ATP6V1B1: variants seen among roughly 807,000 people sequenced by gnomAD.
The protein encoded by ATP6V1B1 is V-type proton ATPase subunit B, kidney isoform.
In ATP6V1B1, 41 loss-of-function variants were observed where a neutral mutation model predicts 62.1. The ratio of observed to expected loss-of-function variants is 0.66; its 90% CI spans 0.51 to 0.86. The LOEUF is 0.86. Among genes scored for constraint, ATP6V1B1 ranks in the 40% least tolerant of loss-of-function variants. ATP6V1B1 has a pLI of 0.00. For synonymous variants in ATP6V1B1, 253 were observed against 273.4 expected (o/e 0.93, Z 0.74); for missense variants, 651 against 697.5 (o/e 0.93, Z 0.75).
intron 8 of ATP6V1B1, chr2:70,961,902 T>A (rs1219355464): frequency 3.3e-6 from 2 of 614,140 alleles, no homozygotes; most frequent in African/African-American, 3.6e-5. Flanking sequence ...TGACTCTGTC[T>A]GCTGCCTGTG....
chr2:70,951,728 T>C (rs1204262245), intron 2 of ATP6V1B1, among the ~76,000 whole-genome samples: 2 of 151,962 alleles, frequency 1.3e-5, no homozygotes, highest in African/African-American at 4.8e-5. Context: ...AGAAACCCCA[T>C]CTCTACTAAA....
intron 1 of ATP6V1B1, among the ~76,000 whole-genome samples, chr2:70,937,394 G>T (rs898442889): frequency 9.9e-5 from 15 of 152,100 alleles, no homozygotes; most frequent in Admixed American, 7.9e-4. Flanking sequence ...AGGTGCTGAG[G>T]GTGGAGCACA....
At chr2:70,938,233 CCTCAGGCTCTGGGAGTGGGA>C (rs1481900837) in intron 1 of ATP6V1B1, among the ~76,000 whole-genome samples, 2 of 152,154 alleles carry the variant, frequency 1.3e-5, no homozygotes, top group Non-Finnish European at 2.9e-5. Context: ...CTCACTTCCT[CCTCAGGCTCTGGGAGTGGGA>C]GGGATGAGGG....
chr2:70,960,440 G>A (rs1189711767), intron 6 of ATP6V1B1, among the ~76,000 whole-genome samples: 1 of 152,158 alleles, frequency 6.6e-6, no homozygotes, highest in Non-Finnish European at 1.5e-5. Context: ...AGAGCAGCTG[G>A]TGTGACAAGG....
In ATP6V1B1 at chr2:70,959,895, G is replaced by A; in HGVS notation, c.446-44G>A. The A allele has an allele frequency of 1.9e-6, 3 of 1,613,974 alleles. No individual in the cohort carries two copies. The highest frequency in any genetic ancestry group is 1.1e-5 in the South Asian group (1 of 91,076). On this transcript the variant is annotated intron_variant, in intron 5 of 13. Transcript: ENST00000234396. This position sits in a 1 kb window ranked among gnomAD's most constrained non-coding sequence, Gnocchi z 4.2. ...GGTCAGTGTCGAGGAGAGCAGGGAA[G>A]GGTTTGAACCCCTGAGCATGGCTCT...
In ATP6V1B1 at chr2:70,965,076, C is replaced by T. The variant is rs1285193183; in HGVS notation, c.1497C>T (p.Ser499=). The T allele has an allele frequency of 7.4e-6, 12 of 1,613,002 alleles. No individual in the cohort carries two copies. The African/African-American group carries it at 1.5e-4, about 20-fold the overall frequency. ...IPQAVIDEFY[S]REGALQDLAP... The stretch of plus-strand genomic sequence containing the variant: ...AGGCCGTGATCGACGAGTTCTATTC[C>T]CGCGAGGGGGCGCTGCAGGACCTCG... The change falls in exon 14 of 14, where the codon TCC becomes TCT. Residue 499 remains serine, a synonymous_variant. Transcript: ENST00000234396.
At chr2:70,937,189 C>T (rs1679874711) in intron 1 of ATP6V1B1, among the ~76,000 whole-genome samples, 1 of 151,810 alleles carries the variant, frequency 6.6e-6, no homozygotes, top group South Asian at 2.1e-4. Context: ...AGGCTCCTAA[C>T]AGGGAGTGTG....
At position 70,945,699 on chromosome 2, in the gene ATP6V1B1, GAGATATATATATAT is replaced by G. The variant is rs1223872556; in HGVS notation, c.174+1988_174+2001del. ...AGTATCCTCTTTCTGGCTATTTGAA[GAGATATATATATAT>G]ATATATATATATATATATATATATA... On this transcript the variant is annotated intron_variant, in intron 2 of 13. Transcript: ENST00000234396. 4.8e-3 allele frequency among the ~76,000 whole-genome samples: 334 copies of G among 70,110 alleles called. 11 individuals carry two copies. The highest frequency in any genetic ancestry group is 0.015 in the African/African-American group (291 of 19,968). 46.0% of individuals were successfully genotyped at this position (70,110 alleles called of 152,430 possible).
At position 70,958,377 on chromosome 2, in the gene ATP6V1B1, C is replaced by T. The variant is rs782720902; in HGVS notation, c.318C>T (p.Cys106=). Residue 106 remains cysteine, a synonymous_variant, in exon 4 of 14, where the codon TGC becomes TGT. Coordinates refer to ENST00000234396, the MANE Select transcript of ATP6V1B1 (RefSeq NM_001692.4). ...GGATCGATGCCAGGAAGACCACTTGCGAATTTACAGGGGACATCCTACGAA... is the reference window on the plus strand; with the variant it reads ...GGATCGATGCCAGGAAGACCACTTGTGAATTTACAGGGGACATCCTACGAA... ...TSGIDARKTT[C]EFTGDILRTP... 26 of 1,613,866 alleles carry T rather than the reference C, an allele frequency of 1.6e-5. No homozygotes were observed. The highest frequency in any genetic ancestry group is 2.2e-5 in the South Asian group (2 of 91,080).
In ATP6V1B1 at chr2:70,935,994, G is replaced by C. The variant is rs111306070; in HGVS notation, c.40G>C (p.Gly14Arg). The C allele has an allele frequency of 6.2e-7, 1 of 1,613,966 alleles. No homozygotes were observed. Among genetic ancestry groups the C allele is most frequent in the Non-Finnish European group, 8.5e-7 (1 of 1,179,928 alleles). ...EIDSRPGGLP[G>R]SSCNLGAARE... The stretch of plus-strand genomic sequence containing the variant: ...AGACAGCAGGCCTGGGGGGCTCCCC[G>C]GCAGTAGCTGCAACCTAGGTGCAGC... The change falls in exon 1 of 14, where the codon GGC (glycine) becomes CGC (arginine). Residue 14 changes from glycine (G) to arginine (R), a missense_variant. Physicochemically the swap from Gly to Arg is moderately radical, Grantham distance 125. Transcript: ENST00000234396.
intron 1 of ATP6V1B1, among the ~76,000 whole-genome samples, chr2:70,943,110 A>G (rs946560507): frequency 6.6e-6 from 1 of 151,930 alleles, no homozygotes; most frequent in Non-Finnish European, 1.5e-5. Flanking sequence ...GAGCCTGGGG[A>G]GTCCAGGAAC....
chr2:70,941,312 G>T, intron 1 of ATP6V1B1: 1 of 985,580 alleles, frequency 1.0e-6, no homozygotes, highest in Non-Finnish European at 1.2e-6. Context: ...CCTCCTGGAG[G>T]TGACAGGTCT....
chr2:70,960,110 G>A lies in ATP6V1B1; in HGVS notation c.585+32G>A, dbSNP rs1227656514. On this transcript the variant is annotated intron_variant, in intron 6 of 13. Coordinates refer to ENST00000234396, the MANE Select transcript of ATP6V1B1 (RefSeq NM_001692.4). Reference sequence around the variant, plus strand: ...CCTGCAGGGCCAGCAGGCATGGCTGGGGGAGGGACAGAGCAGAGGCTGGGG... The same window carrying A: ...CCTGCAGGGCCAGCAGGCATGGCTGAGGGAGGGACAGAGCAGAGGCTGGGG... The A allele has an allele frequency of 9.9e-6, 16 of 1,613,364 alleles. 1 individual carries two copies. Among genetic ancestry groups the A allele is most frequent in the Non-Finnish European group, 1.4e-5 (16 of 1,179,696 alleles).
rs376581983 is a variant in ATP6V1B1, at chr2:70,958,060, G to A, written c.189G>A (p.Ala63=). The change falls in exon 3 of 14, where the codon GCG becomes GCA. Residue 63 remains alanine (A), a synonymous_variant. Coordinates refer to ENST00000234396, the MANE Select transcript of ATP6V1B1 (RefSeq NM_001692.4). ...CCTCCTGCCAGTTTGCCCAGTATGC[G>A]GAGATCGTCCACTTCACCCTCCCAG... ...VLDRVKFAQY[A]EIVHFTLPDG... The A allele has an allele frequency of 6.8e-5, 110 of 1,613,902 alleles. No individual in the cohort carries two copies. The highest frequency in any genetic ancestry group is 8.3e-5 in the Admixed American group (5 of 59,978).
chr2:70,959,965 A>G lies in ATP6V1B1; in HGVS notation c.472A>G (p.Ile158Val), dbSNP rs1553419749. The G allele has an allele frequency of 6.2e-7, 1 of 1,614,190 alleles. No homozygotes were observed. Residue 158 changes from isoleucine (I) to valine (V), a missense_variant, in exon 6 of 14, where the codon ATC (isoleucine) becomes GTC (valine). Coordinates refer to ENST00000234396, the MANE Select transcript of ATP6V1B1 (RefSeq NM_001692.4). The surrounding 1 kb of genome is among the most constrained non-coding windows in gnomAD (Gnocchi z 4.2). ...CCAGCCCATCAACCCGCACTCCCGC[A>G]TCTACCCCGAGGAGATGATTCAGAC... ...NGQPINPHSR[I>V]YPEEMIQTGI...
At chr2:70,948,233 A>G (rs1680232926) in intron 2 of ATP6V1B1, 1 of 110,586 alleles carries the variant, frequency 9.0e-6, no homozygotes, top group Non-Finnish European at 1.9e-5. Context: ...TCACATGAAA[A>G]TGATCACTTT....
At chr2:70,941,019 G>C (rs1679992646) in intron 1 of ATP6V1B1, 1 of 651,682 alleles carries the variant, frequency 1.5e-6, no homozygotes, top group Non-Finnish European at 1.9e-6. Context: ...CTGGGCTCAG[G>C]TGATCCTCCC....
chr2:70,963,644 A>G lies in ATP6V1B1; in HGVS notation c.1133A>G (p.His378Arg). 1 of 1,614,084 alleles carries G rather than the reference A, an allele frequency of 6.2e-7. No homozygotes were observed. The highest frequency in any genetic ancestry group is 8.5e-7 in the Non-Finnish European group (1 of 1,179,926). ...EGQIYVDRQL[H>R]NRQIYPPINV... ...CAGATCTACGTGGACAGACAGCTTC[A>G]CAACAGACAGGTACTGCCCTGTCCC... The change falls in exon 11 of 14, where the codon CAC (histidine) becomes CGC (arginine). Residue 378 changes from histidine (H) to arginine (R), a missense_variant. His to Arg is a conservative substitution (Grantham distance 29). Transcript: ENST00000234396. The surrounding 1 kb of genome is among the most constrained non-coding windows in gnomAD (Gnocchi z 4.3).
Position 70,961,684 on chromosome 2 carries a change from A to G in ATP6V1B1, c.776A>G (p.Asn259Ser), listed in dbSNP as rs1680591290. The change falls in exon 8 of 14, where the codon AAT becomes AGT. Residue 259 changes from asparagine to serine, a missense_variant. Asn to Ser is a conservative substitution (Grantham distance 46). Transcript: ENST00000234396. ...GTCTGCCTCTTCCTGAACTTGGCCA[A>G]TGACCCCACGTGAGCTTTCCCTGAT... ...GNVCLFLNLA[N>S]DPTIERIITP... 5 of 1,614,080 alleles carry G rather than the reference A, an allele frequency of 3.1e-6. No homozygotes were observed. Among genetic ancestry groups the G allele is most frequent in the South Asian group, 2.2e-5 (2 of 91,080 alleles).
Sources: gnomAD v4.1 joint callset for allele counts (sites outside exome capture counted in the v4.1 genomes callset) on GRCh38, gnomAD v4.1.1 for gene constraint, Gnocchi (gnomAD v3.1) non-coding constraint, MANE v1.5 for transcripts, NCBI Gene and HGNC (gene_info 2026-07-23, HGNC 2026-07-21) for gene names.